Variants in DIPK2B observed in about 807,000 individuals in gnomAD.
DIPK2B encodes the protein divergent protein kinase domain 2B, also known as UPF0672 protein CXorf36.
A neutral mutation model predicts 22.2 loss-of-function variants in DIPK2B; 15 were observed. The ratio of observed to expected loss-of-function variants is 0.68; its 90% CI spans 0.45 to 1.04. The LOEUF (loss-of-function observed/expected upper bound fraction) is 1.04. Ranked by LOEUF, DIPK2B falls within the 50% of genes least tolerant of loss-of-function variation. The probability of loss-of-function intolerance (pLI) is 0.00; values close to 1 mark genes in which losing one functional copy is unlikely to be tolerated. For missense variants in DIPK2B, 345 were observed against 348.3 expected (o/e 0.99, Z 0.08); for synonymous variants, 163 against 153.2 (o/e 1.06, Z -0.47).
intron 4 of DIPK2B, among the ~76,000 whole-genome samples, chrX:45,153,474 T>TTG (rs34281975): frequency 0.21 from 15,603 of 73,620 alleles, 1,765 homozygotes; most frequent in East Asian, 0.27. Flanking sequence ...CCCAAAAGTT[T>TTG]TGTGTGTGTG....
Position 45,200,656 on chromosome X carries a change from A to G in DIPK2B, c.171T>C (p.Leu57=). Residue 57 remains leucine, a synonymous_variant, in exon 1 of 5, where the codon CTT becomes CTC. Transcript: ENST00000398000. ...TCCCGATGCAGGCATTGCATTTATCAAGACCGAGGAAAGTCCTTCCAAAAT... is the reference window on the plus strand; with the variant it reads ...TCCCGATGCAGGCATTGCATTTATCGAGACCGAGGAAAGTCCTTCCAAAAT... ...SYNFGRTFLG[L]DKCNACIGTS... is the part of the protein sequence containing the mutation. 8.2e-7 allele frequency: 1 copy of G among 1,212,473 alleles called. No individual in the cohort carries two copies. The highest frequency in any genetic ancestry group is 1.1e-6 in the Non-Finnish European group (1 of 895,659).
intron 2 of DIPK2B, among the ~76,000 whole-genome samples, chrX:45,171,130 A>G (rs2047078597): frequency 9.0e-6 from 1 of 111,416 alleles, no homozygotes; most frequent in African/African-American, 3.3e-5. Flanking sequence ...AAGTGCAGGA[A>G]GCAGATCTCA....
intron 2 of DIPK2B, among the ~76,000 whole-genome samples, chrX:45,182,978 G>A (rs2047163038): frequency 8.9e-6 from 1 of 111,822 alleles, no homozygotes; most frequent in Non-Finnish European, 1.9e-5. Flanking sequence ...GAAGGCACAT[G>A]AAGGAGCCTT....
chrX:45,184,121 A>C (rs2047168791), intron 2 of DIPK2B, among the ~76,000 whole-genome samples: 1 of 111,641 alleles, frequency 9.0e-6, no homozygotes, highest in Admixed American at 9.5e-5. Flanking sequence ...ATATGAGAGG[A>C]ATGCCGAGAT....
intron 2 of DIPK2B, chrX:45,163,512 A>T: frequency 2.7e-6 from 2 of 754,475 alleles, no homozygotes; most frequent in Non-Finnish European, 3.1e-6. Flanking sequence ...CCAAGGAGTC[A>T]TTTGACCTGC....
intron 2 of DIPK2B, chrX:45,162,764 G>A (rs778506625): frequency 1.0e-4 from 78 of 752,323 alleles, no homozygotes; most frequent in Middle Eastern, 7.5e-4. Flanking sequence ...TCTCTCTCCC[G>A]TGCCTGGTTT....
intron 2 of DIPK2B, among the ~76,000 whole-genome samples, chrX:45,160,686 G>A (rs2047018117): frequency 8.9e-6 from 1 of 111,955 alleles, no homozygotes; most frequent in Non-Finnish European, 1.9e-5. Context: ...GGGGGTTAGG[G>A]CTTTTTGAAG....
intron 2 of DIPK2B, among the ~76,000 whole-genome samples, chrX:45,169,623 C>T (rs888237378): frequency 8.9e-6 from 1 of 112,074 alleles, no homozygotes; most frequent in African/African-American, 3.2e-5. Flanking sequence ...CAGGCTCTGG[C>T]ATGGTCTCTG....
intron 2 of DIPK2B, among the ~76,000 whole-genome samples, chrX:45,171,589 A>C (rs1398597553): frequency 9.0e-6 from 1 of 110,764 alleles, no homozygotes; most frequent in African/African-American, 3.3e-5. Context: ...CACTTGCTCT[A>C]CTTCCCACAG....
chrX:45,177,171 C>A (rs2047123397), intron 2 of DIPK2B, among the ~76,000 whole-genome samples: 1 of 109,383 alleles, frequency 9.1e-6, no homozygotes, highest in Non-Finnish European at 1.9e-5. Context: ...TGGTGATGCA[C>A]ACCTGTAGTC....
chrX:45,156,879 CT>C (rs2046998529), intron 3 of DIPK2B, among the ~76,000 whole-genome samples: 1 of 110,108 alleles, frequency 9.1e-6, no homozygotes, highest in Non-Finnish European at 1.9e-5. Context: ...CTACCTGCAC[CT>C]TTTCCCCCTC....
chrX:45,159,854 A>G (rs954620962), intron 2 of DIPK2B, among the ~76,000 whole-genome samples: 13 of 112,203 alleles, frequency 1.2e-4, no homozygotes. Context: ...AAAATTATAC[A>G]TTCAAACATT....
At chrX:45,194,267 T>TTTGA (rs1556405310) in intron 1 of DIPK2B, among the ~76,000 whole-genome samples, 6 of 108,083 alleles carry the variant, frequency 5.6e-5, no homozygotes, top group Non-Finnish European at 9.6e-5. Context: ...TTTTTTTTTT[T>TTTGA]GAGAGAGAGT....
intron 2 of DIPK2B, among the ~76,000 whole-genome samples, chrX:45,168,325 G>A (rs2047060443): frequency 8.9e-6 from 1 of 112,476 alleles, no homozygotes; most frequent in African/African-American, 3.2e-5. Context: ...AGCTAAGAGT[G>A]GGCATAGAAT....
At chrX:45,182,160 G>C (rs2047157930) in intron 2 of DIPK2B, among the ~76,000 whole-genome samples, 1 of 110,180 alleles carries the variant, frequency 9.1e-6, no homozygotes, top group African/African-American at 3.3e-5. Context: ...CTCACAAAGA[G>C]CTTGTATCCA....
chrX:45,173,104 G>A (rs2047092861), intron 2 of DIPK2B, among the ~76,000 whole-genome samples: 1 of 111,859 alleles, frequency 8.9e-6, no homozygotes, highest in Admixed American at 9.5e-5. Context: ...AGCATCAGGA[G>A]ATTGTTTCTG....
chrX:45,191,044 G>T (rs1256484505), intron 2 of DIPK2B, among the ~76,000 whole-genome samples: 2 of 112,548 alleles, frequency 1.8e-5, no homozygotes, highest in Admixed American at 1.9e-4. Context: ...CATCTTCTGC[G>T]CAAAGGGGCT....
At chrX:45,157,984 T>A (rs1176596468) in intron 2 of DIPK2B, 96 bp from the exon 3 acceptor site, 40 of 64,475 alleles carry the variant, frequency 6.2e-4, no homozygotes, top group African/African-American at 4.2e-3. Context: ...GATCCTGCTG[T>A]TGGGGGTGAG....
At chrX:45,178,633 T>A (rs1276546135) in intron 2 of DIPK2B, among the ~76,000 whole-genome samples, 1 of 111,317 alleles carries the variant, frequency 9.0e-6, no homozygotes, top group Non-Finnish European at 1.9e-5. Flanking sequence ...AGATCAGCAT[T>A]TGGGGCTGCC....
Sources: gnomAD v4.1 joint callset for allele counts (sites outside exome capture counted in the v4.1 genomes callset) on GRCh38, gnomAD v4.1.1 for gene constraint, MANE v1.5 for transcripts, NCBI Gene and HGNC (gene_info 2026-07-23, HGNC 2026-07-21) for gene names.